The following TMEM178B variants were observed in gnomAD, a reference collection of about 807,000 sequenced individuals.
The protein encoded by TMEM178B is transmembrane protein 178B.
A neutral mutation model predicts 31.0 loss-of-function variants in TMEM178B; 5 were observed. That is an observed-to-expected ratio of 0.16 (90% CI 0.08 to 0.34). TMEM178B has a LOEUF of 0.34. Among genes scored for constraint, TMEM178B ranks in the 10% least tolerant of loss-of-function variants. The pLI is 1.00. For synonymous variants in TMEM178B, 164 were observed against 164.0 expected, an observed-to-expected ratio of 1.00 and a Z score of 0.00; for missense variants, 275 against 400.3, an observed-to-expected ratio of 0.69 and a Z score of 2.67.
At chr7:141,374,377 T>C (rs1800173749) in intron 2 of TMEM178B, among the ~76,000 whole-genome samples, 2 of 151,974 alleles carry the variant, frequency 1.3e-5, no homozygotes, top group African/African-American at 4.8e-5. Context: ...CACACACACA[T>C]GCACACACAC....
chr7:141,310,606 G>A (rs1346062694), intron 2 of TMEM178B, among the ~76,000 whole-genome samples: 1 of 152,112 alleles, frequency 6.6e-6, no homozygotes, highest in Non-Finnish European at 1.5e-5. Context: ...GCCCTGGTGT[G>A]TGATGTTCCC....
chr7:141,291,796 A>G (rs1798550639), intron 2 of TMEM178B, among the ~76,000 whole-genome samples: 1 of 152,142 alleles, frequency 6.6e-6, no homozygotes, highest in African/African-American at 2.4e-5. Flanking sequence ...ATGAAAAAAA[A>G]AGTCACAGTC....
chr7:141,234,306 G>T (rs1034277324), intron 2 of TMEM178B, among the ~76,000 whole-genome samples: 1 of 152,224 alleles, frequency 6.6e-6, no homozygotes, highest in Non-Finnish European at 1.5e-5. Flanking sequence ...AGGTTAGGAT[G>T]ATCTGGTGAG....
In TMEM178B at chr7:141,478,711, C is replaced by T. The variant is rs1802417908; in HGVS notation, c.*7925C>T. 1 of 152,250 alleles carries T rather than the reference C, an allele frequency of 6.6e-6. No individual in the cohort carries two copies. The highest frequency in any genetic ancestry group is 6.5e-5 in the Admixed American group (1 of 15,304). The allele number at this position is 152,250 out of a possible 1,614,324, so 9.4% of individuals were successfully genotyped here. A position where few individuals can be genotyped will look rare whatever the true frequency, so the allele number is the denominator to read the frequency against. On this transcript the variant is annotated 3_prime_UTR_variant, in exon 4 of 4. Coordinates refer to ENST00000565468, the MANE Select transcript of TMEM178B (RefSeq NM_001195278.2). Reference sequence around the variant, plus strand: ...TTTTTCCAAATGAAGTCTTCAAAATCCAATGTGATTTTCCTCTTAGAAAAC... The same window carrying T: ...TTTTTCCAAATGAAGTCTTCAAAATTCAATGTGATTTTCCTCTTAGAAAAC...
At chr7:141,386,883 T>A (rs960440256) in intron 2 of TMEM178B, among the ~76,000 whole-genome samples, 4 of 152,086 alleles carry the variant, frequency 2.6e-5, no homozygotes, top group Admixed American at 2.6e-4. Context: ...GTTTGGGGGT[T>A]CTCTTTCTGA....
At chr7:141,282,872 A>C (rs1393626878) in intron 2 of TMEM178B, among the ~76,000 whole-genome samples, 2 of 152,238 alleles carry the variant, frequency 1.3e-5, no homozygotes, top group Non-Finnish European at 2.9e-5. Flanking sequence ...AAAGAAGGAC[A>C]GGAAATAATA....
intron 2 of TMEM178B, among the ~76,000 whole-genome samples, chr7:141,237,564 G>T (rs1244859735): frequency 6.6e-6 from 1 of 152,136 alleles, no homozygotes; most frequent in Non-Finnish European, 1.5e-5. Flanking sequence ...GAAAAGGGCT[G>T]CAAGGAAATA....
chr7:141,417,457 G>A (rs1379938134), intron 2 of TMEM178B, among the ~76,000 whole-genome samples: 1 of 152,216 alleles, frequency 6.6e-6, no homozygotes, highest in African/African-American at 2.4e-5. Flanking sequence ...ATACCTGACT[G>A]AGAGATAGAC....
At chr7:141,441,428 T>C (rs979159611) in intron 3 of TMEM178B, among the ~76,000 whole-genome samples, 3 of 152,212 alleles carry the variant, frequency 2.0e-5, no homozygotes, top group African/African-American at 7.2e-5. Context: ...TAGAGAGTTA[T>C]CACAAAGTGG....
At chr7:141,143,873 G>A (rs1158517880) in intron 1 of TMEM178B, among the ~76,000 whole-genome samples, 1 of 152,084 alleles carries the variant, frequency 6.6e-6, no homozygotes, top group Non-Finnish European at 1.5e-5. Flanking sequence ...CCATTTGTTT[G>A]TGTCACCTAT....
chr7:141,212,649 G>T lies in TMEM178B; in HGVS notation c.441G>T (p.Arg147Ser). ...ACTACTCCTCAGCAACCATCCCCAGGAACCTCACTTTCAATATCACGAAGA... is the reference window on the plus strand; with the variant it reads ...ACTACTCCTCAGCAACCATCCCCAGTAACCTCACTTTCAATATCACGAAGA... ...KYHYSSATIPRNLTFNITKTI... is the reference protein window; with the variant it reads ...KYHYSSATIPSNLTFNITKTI... The change falls in exon 2 of 4, where the codon AGG (arginine) becomes AGT (serine). Residue 147 changes from arginine (R) to serine (S), a missense_variant. Arg to Ser is a moderately radical substitution (Grantham distance 110). Coordinates refer to ENST00000565468, the MANE Select transcript of TMEM178B (RefSeq NM_001195278.2). 6.5e-7 allele frequency: 1 copy of T among 1,536,074 alleles called. No individual in the cohort carries two copies. Among genetic ancestry groups the T allele is most frequent in the Non-Finnish European group, 8.7e-7 (1 of 1,146,894 alleles).
At chr7:141,280,452 T>C (rs1390640335) in intron 2 of TMEM178B, among the ~76,000 whole-genome samples, 2 of 152,160 alleles carry the variant, frequency 1.3e-5, no homozygotes, top group Non-Finnish European at 2.9e-5. Flanking sequence ...TGAGATTTGA[T>C]CATTCTATAA....
At chr7:141,181,832 G>T (rs1019447728) in intron 1 of TMEM178B, among the ~76,000 whole-genome samples, 1 of 152,116 alleles carries the variant, frequency 6.6e-6, no homozygotes, top group Non-Finnish European at 1.5e-5. Context: ...TTCAGGATCC[G>T]CAATCACTTT....
At chr7:141,117,447 AT>A (rs1795336868) in intron 1 of TMEM178B, among the ~76,000 whole-genome samples, 2 of 152,080 alleles carry the variant, frequency 1.3e-5, no homozygotes, top group South Asian at 4.2e-4. Flanking sequence ...ATTTTCTCCC[AT>A]TCTGTAGGTT....
intron 2 of TMEM178B, among the ~76,000 whole-genome samples, chr7:141,394,195 C>A (rs537291727): frequency 6.6e-6 from 1 of 152,198 alleles, no homozygotes; most frequent in Non-Finnish European, 1.5e-5. Flanking sequence ...TCCATGAAAC[C>A]CTGAAAAGAC....
At chr7:141,463,944 G>C (rs562122845) in intron 3 of TMEM178B, among the ~76,000 whole-genome samples, 20 of 152,302 alleles carry the variant, frequency 1.3e-4, no homozygotes, top group African/African-American at 4.3e-4. Context: ...AAGCAGCAGA[G>C]AATCATAATC....
In TMEM178B at chr7:141,390,175, C is replaced by T. The variant is rs1800509373; in HGVS notation, c.497-47433C>T. ...GCTGAAAGGACAGAATGAGAGAAGC[C>T]AAGCCAAAACTGAGTTAAAAGGTAG... is the stretch of plus-strand genomic sequence containing the variant. On this transcript the variant is annotated intron_variant, in intron 2 of 3. Coordinates refer to ENST00000565468, the MANE Select transcript of TMEM178B (RefSeq NM_001195278.2). 2.0e-5 allele frequency among the ~76,000 whole-genome samples: 3 copies of T among 152,098 alleles called. 1 individual carries two copies. In the South Asian group the frequency reaches 6.2e-4, roughly 32 times the overall value.
intron 2 of TMEM178B, among the ~76,000 whole-genome samples, chr7:141,288,557 C>T (rs1047786067): frequency 6.6e-6 from 1 of 152,082 alleles, no homozygotes; most frequent in African/African-American, 2.4e-5. Flanking sequence ...GTGTTATCCC[C>T]TCTGGCATCT....
intron 1 of TMEM178B, among the ~76,000 whole-genome samples, chr7:141,081,723 C>A (rs956311391): frequency 6.6e-6 from 1 of 151,786 alleles, no homozygotes; most frequent in African/African-American, 2.4e-5. Flanking sequence ...AAAAAATCTA[C>A]AGTGAGCTGA....
Sources: allele counts gnomAD v4.1 joint callset (sites outside exome capture counted in the v4.1 genomes callset), GRCh38; gene constraint gnomAD v4.1.1; transcripts MANE v1.5; gene names NCBI Gene and HGNC (gene_info 2026-07-23, HGNC 2026-07-21).